KANK1: variants seen among roughly 807,000 people sequenced by gnomAD.
The protein encoded by KANK1 is KN motif and ankyrin repeat domains 1.
A neutral mutation model predicts 106.2 loss-of-function variants in KANK1; 109 were observed. The observed-to-expected ratio is 1.03, with a 90% CI of 0.88 to 1.20. The LOEUF is 1.20. Ranked by LOEUF, KANK1 falls within the 50% of genes most tolerant of loss-of-function variation. The pLI is 0.00. For synonymous variants in KANK1, 873 were observed against 652.2 expected, an observed-to-expected ratio of 1.34 and a Z score of -5.16; for missense variants, 2,399 against 1,710.7, an observed-to-expected ratio of 1.40 and a Z score of -7.10.
chr9:735,807 A>G, intron 7 of KANK1: 1 of 379,972 alleles, frequency 2.6e-6, no homozygotes, highest in African/African-American at 2.0e-5. Flanking sequence ...GAGCTTAGCC[A>G]ACATGGTGAA....
chr9:693,785 G>A (rs1224950451), intron 2 of KANK1: 1 of 985,240 alleles, frequency 1.0e-6, no homozygotes, highest in Non-Finnish European at 1.2e-6. Flanking sequence ...GTTTCTGGGT[G>A]GGTAAGTAAG....
At chr9:683,401 A>AC (rs1817950380) in intron 2 of KANK1, among the ~76,000 whole-genome samples, 1 of 152,208 alleles carries the variant, frequency 6.6e-6, no homozygotes, top group African/African-American at 2.4e-5. Flanking sequence ...TGCCATAAGC[A>AC]CGTAGGTAAG....
At chr9:716,396 A>T (rs1436383374) in intron 3 of KANK1, among the ~76,000 whole-genome samples, 1 of 152,074 alleles carries the variant, frequency 6.6e-6, no homozygotes, top group African/African-American at 2.4e-5. Flanking sequence ...ATGATGCCAC[A>T]CAGAAATTGT....
At chr9:684,389 G>A (rs777336536) in intron 2 of KANK1, 1 of 985,326 alleles carries the variant, frequency 1.0e-6, no homozygotes, top group East Asian at 1.1e-4. Context: ...CTTTATAGGT[G>A]CCAACAAGAA....
intron 1 of KANK1, among the ~76,000 whole-genome samples, chr9:621,568 A>G (rs1441203717): frequency 6.6e-6 from 1 of 152,192 alleles, no homozygotes; most frequent in Non-Finnish European, 1.5e-5. Context: ...ACTGCAAGGA[A>G]TGTCCGCAAT....
At chr9:597,347 A>G (rs910663717) in intron 1 of KANK1, among the ~76,000 whole-genome samples, 5 of 151,820 alleles carry the variant, frequency 3.3e-5, no homozygotes, top group Admixed American at 6.6e-5. Context: ...CAAGGTTCCA[A>G]TTTTTCCATA....
chr9:738,499 AT>A lies in KANK1; in HGVS notation c.3549del (p.Asp1183GlufsTer44), dbSNP rs1254844577. On this transcript the variant is annotated frameshift_variant, in exon 8 of 12. Transcript: ENST00000382297. LOFTEE classifies it high-confidence loss of function. The stretch of plus-strand genomic sequence containing the variant: ...TTCGAGATTGTGAAGCTGCTGTTAG[AT>A]GCCGGTATGTTGGCTGCCCTTCCAC... ...SNFEIVKLLL[D>X]ADVCNVDHQN... is the part of the protein sequence containing the mutation. 1 of 1,613,124 alleles carries A rather than the reference AT, an allele frequency of 6.2e-7. No individual in the cohort carries two copies. The highest frequency in any genetic ancestry group is 8.5e-7 in the Non-Finnish European group (1 of 1,179,172).
At chr9:476,650 A>G (rs912005464) in intron 3 of KANK1, 8 of 152,216 alleles carry the variant, frequency 5.3e-5, no homozygotes, top group African/African-American at 1.9e-4. Context: ...TTTCCTGCCC[A>G]GCTGTTGAAA....
At chr9:658,190 A>C (rs10975609) in intron 1 of KANK1, among the ~76,000 whole-genome samples, 37,014 of 152,144 alleles carry the variant, frequency 0.24, 5,751 homozygotes, top group South Asian at 0.45. Flanking sequence ...CAAAGCCCAG[A>C]GCTGCCTCTC....
chr9:527,455 A>G (rs1165484203), intron 1 of KANK1, among the ~76,000 whole-genome samples: 1 of 151,596 alleles, frequency 6.6e-6, no homozygotes, highest in African/African-American at 2.4e-5. Context: ...GCAGGCGCCA[A>G]CACACCCAGC....
At chr9:699,957 G>C (rs1822243107) in intron 2 of KANK1, among the ~76,000 whole-genome samples, 1 of 152,180 alleles carries the variant, frequency 6.6e-6, no homozygotes, top group African/African-American at 2.4e-5. Context: ...ACTCCAGCCT[G>C]AGTGACAGAG....
chr9:514,259 C>T (rs1279933276), intron 1 of KANK1, among the ~76,000 whole-genome samples: 3 of 105,416 alleles, frequency 2.8e-5, no homozygotes, highest in Admixed American at 8.1e-5. Flanking sequence ...TTCCTCCCTC[C>T]GTCCCTCCCT....
At chr9:508,372 G>A (rs1407569101) in intron 1 of KANK1, among the ~76,000 whole-genome samples, 3 of 151,952 alleles carry the variant, frequency 2.0e-5, no homozygotes, top group African/African-American at 7.3e-5. Context: ...CCCGACCTCA[G>A]GTGATCCGCC....
At chr9:605,885 C>A (rs1828984546) in intron 1 of KANK1, among the ~76,000 whole-genome samples, 1 of 151,660 alleles carries the variant, frequency 6.6e-6, no homozygotes, top group African/African-American at 2.4e-5. Context: ...ATGGGACTAA[C>A]TGGCCCATAC....
At chr9:561,819 TAAAG>T (rs1370124898) in intron 1 of KANK1, among the ~76,000 whole-genome samples, 1 of 152,212 alleles carries the variant, frequency 6.6e-6, no homozygotes, top group Admixed American at 6.5e-5. Flanking sequence ...GTCACACTGT[TAAAG>T]AAAACTGTCA....
intron 1 of KANK1, among the ~76,000 whole-genome samples, chr9:619,696 A>C (rs1162312722): frequency 6.6e-6 from 1 of 152,200 alleles, no homozygotes; most frequent in African/African-American, 2.4e-5. Context: ...GCCGTACTGT[A>C]ATTTTCAAGG....
chr9:491,528 A>G (rs915871969), intron 3 of KANK1, among the ~76,000 whole-genome samples: 2 of 152,036 alleles, frequency 1.3e-5, no homozygotes, highest in African/African-American at 2.4e-5. Context: ...CGGCCCCCCA[A>G]AGTGCTGGGA....
At chr9:655,627 G>C (rs1324289886) in intron 1 of KANK1, among the ~76,000 whole-genome samples, 1 of 152,088 alleles carries the variant, frequency 6.6e-6, no homozygotes, top group African/African-American at 2.4e-5. Context: ...TTGCCCAGGG[G>C]TCTACACTTT....
intron 1 of KANK1, among the ~76,000 whole-genome samples, chr9:573,330 C>T (rs185525704): frequency 1.8e-4 from 28 of 152,076 alleles, no homozygotes; most frequent in Admixed American, 7.9e-4. Context: ...AGTGCAGTGG[C>T]GCAATCTTGG....
Sources: allele counts gnomAD v4.1 joint callset (sites outside exome capture counted in the v4.1 genomes callset), GRCh38; gene constraint gnomAD v4.1.1; transcripts MANE v1.5; gene names NCBI Gene and HGNC (gene_info 2026-07-23, HGNC 2026-07-21).